REEP1: variants seen among roughly 807,000 people sequenced by gnomAD.
The protein encoded by REEP1 is receptor accessory protein 1.
In REEP1, 22 loss-of-function variants were observed where a neutral mutation model predicts 40.3. The ratio of observed to expected loss-of-function variants is 0.55; its 90% CI spans 0.39 to 0.78. REEP1 has a LOEUF of 0.78. REEP1 is among the 30% of genes least tolerant of loss of function. The pLI is 0.00. For synonymous variants in REEP1, 116 were observed against 139.2 expected (o/e 0.83, Z 1.17); for missense variants, 280 against 361.1 (o/e 0.78, Z 1.82).
At position 86,254,808 on chromosome 2, in the gene REEP1, T is replaced by C; in HGVS notation, c.189A>G (p.Pro63=). 6.2e-7 allele frequency: 1 copy of C among 1,614,072 alleles called. No homozygotes were observed. The highest frequency in any genetic ancestry group is 8.5e-7 in the Non-Finnish European group (1 of 1,179,998). Residue 63 remains proline (P), a synonymous_variant, in exon 4 of 9, where the codon CCA becomes CCG. Transcript: ENST00000538924. ...ATGCTATTTTTAGTTCATAATAGAATGGAAACCTGGAGAGAGAGATGAAAA... is the reference window on the plus strand; with the variant it reads ...ATGCTATTTTTAGTTCATAATAGAACGGAAACCTGGAGAGAGAGATGAAAA... ...TFTDIFLCWF[P]FYYELKIAFV... is the part of the protein sequence containing the mutation.
In REEP1 at chr2:86,247,431, G is replaced by C. The variant is rs141897727; in HGVS notation, c.417+4526C>G. 1.2e-3 allele frequency among the ~76,000 whole-genome samples: 185 copies of C among 152,178 alleles called. 2 individuals are homozygous for C. Among genetic ancestry groups the C allele is most frequent in the African/African-American group, 4.4e-3 (181 of 41,524 alleles). On this transcript the variant is annotated intron_variant, in intron 5 of 8. Coordinates refer to ENST00000538924, the MANE Select transcript of REEP1 (RefSeq NM_001371279.1). ...TAACATTAATAAGCTGGGCATGGTG[G>C]TGCACACCTATAATCCCAGCTACTT...
intron 5 of REEP1, among the ~76,000 whole-genome samples, chr2:86,241,161 A>G (rs1262998646): frequency 6.6e-6 from 1 of 152,194 alleles, no homozygotes; most frequent in African/African-American, 2.4e-5. Flanking sequence ...TTGCCTGTGG[A>G]AGTCTCAGCT....
chr2:86,312,865 AG>A (rs1267348721), intron 1 of REEP1, among the ~76,000 whole-genome samples: 1 of 152,202 alleles, frequency 6.6e-6, no homozygotes, highest in Non-Finnish European at 1.5e-5. Context: ...TTTTGCCTTT[AG>A]GTCTGGGAAT....
intron 1 of REEP1, among the ~76,000 whole-genome samples, chr2:86,330,333 T>C (rs1412134846): frequency 6.6e-6 from 1 of 152,070 alleles, no homozygotes; most frequent in Non-Finnish European, 1.5e-5. Flanking sequence ...CAATGACATG[T>C]GAGCAGAAAT....
rs751389881 is a variant in REEP1 at position 86,251,921 on chromosome 2, G to C, written c.417+36C>G. 6 of 1,416,302 alleles carry C rather than the reference G, an allele frequency of 4.2e-6. 1 individual carries two copies. The South Asian group carries it at 6.9e-5, about 16-fold the overall frequency. 87.7% of individuals were successfully genotyped at this position (1,416,302 alleles called of 1,614,324 possible). On this transcript the variant is annotated intron_variant, in intron 5 of 8. Coordinates refer to ENST00000538924, the MANE Select transcript of REEP1 (RefSeq NM_001371279.1). ...ATGAGCAGGGCACACTAGAGGGACT[G>C]AGACTCATGTAGTTGTGGTACTTCC...
intron 5 of REEP1, among the ~76,000 whole-genome samples, chr2:86,245,957 G>A (rs938557126): frequency 6.6e-6 from 1 of 151,962 alleles, no homozygotes; most frequent in Admixed American, 6.6e-5. Flanking sequence ...GTAGAGACGG[G>A]GTTTCACCAT....
intron 1 of REEP1, among the ~76,000 whole-genome samples, chr2:86,323,675 T>C (rs1444839592): frequency 6.6e-6 from 1 of 152,334 alleles, no homozygotes; most frequent in East Asian, 1.9e-4. Context: ...AAACTAGTCC[T>C]TGGTGCCAAA....
intron 1 of REEP1, among the ~76,000 whole-genome samples, chr2:86,307,131 G>A (rs2104473103): frequency 6.6e-6 from 1 of 151,854 alleles, no homozygotes; most frequent in East Asian, 1.9e-4. Context: ...TTGAACCTGG[G>A]AGGTGGAGGT....
chr2:86,308,502 C>A (rs1679609966), intron 1 of REEP1, among the ~76,000 whole-genome samples: 1 of 152,204 alleles, frequency 6.6e-6, no homozygotes, highest in South Asian at 2.1e-4. Context: ...TTGCAGTGAG[C>A]TGAGGTTGCA....
chr2:86,234,015 A>G (rs1675162755), intron 5 of REEP1, among the ~76,000 whole-genome samples: 1 of 152,166 alleles, frequency 6.6e-6, no homozygotes, highest in Non-Finnish European at 1.5e-5. Context: ...AGCAAGGGCC[A>G]AAACAGTTGA....
intron 2 of REEP1, among the ~76,000 whole-genome samples, chr2:86,280,313 C>G (rs140820157): frequency 6.6e-6 from 1 of 152,362 alleles, no homozygotes; most frequent in African/African-American, 2.4e-5. Flanking sequence ...CCAACACAAA[C>G]AGCTGCTCTG....
At chr2:86,337,706 G>T, upstream of REEP1, 1 of 967,640 alleles carries the variant, frequency 1.0e-6, no homozygotes, top group Non-Finnish European at 1.2e-6. This position sits in a 1 kb window ranked among gnomAD's most constrained non-coding sequence, Gnocchi z 5.8. Flanking sequence ...GGCGGCCCCA[G>T]CCCCCCGGGG....
At chr2:86,236,976 C>T (rs991011429) in intron 5 of REEP1, among the ~76,000 whole-genome samples, 5 of 152,178 alleles carry the variant, frequency 3.3e-5, no homozygotes, top group African/African-American at 7.2e-5. Flanking sequence ...CCTCGTAATC[C>T]GCCCGCCTTG....
rs149131805 is a variant in REEP1 at position 86,305,634 on chromosome 2, A to C, written c.33-23392T>G. Among the ~76,000 whole-genome samples the C allele has an allele frequency of 8.4e-3, 1,274 of 152,088 alleles. 22 individuals are homozygous for C. Among genetic ancestry groups the C allele is most frequent in the African/African-American group, 0.03 (1,228 of 41,478 alleles). The stretch of plus-strand genomic sequence containing the variant: ...GTGGGGCCTGAACATCTGCCCTTCT[A>C]CCAAGTGCCCCTGGTCCCCCACTGA... On this transcript the variant is annotated intron_variant, in intron 1 of 8. Coordinates refer to ENST00000538924, the MANE Select transcript of REEP1 (RefSeq NM_001371279.1).
At chr2:86,294,329 A>G (rs1254710638) in intron 1 of REEP1, among the ~76,000 whole-genome samples, 2 of 152,236 alleles carry the variant, frequency 1.3e-5, no homozygotes, top group Non-Finnish European at 2.9e-5. Flanking sequence ...AAATAAATTC[A>G]TGACATTTAG....
intron 1 of REEP1, among the ~76,000 whole-genome samples, chr2:86,330,765 C>T (rs956795979): frequency 7.9e-5 from 12 of 151,978 alleles, no homozygotes; most frequent in Admixed American, 3.3e-4. Context: ...TGTCTTATAA[C>T]GATAAGACAA....
At chr2:86,234,854 A>T (rs1017038109) in intron 5 of REEP1, among the ~76,000 whole-genome samples, 1 of 152,234 alleles carries the variant, frequency 6.6e-6, no homozygotes, top group African/African-American at 2.4e-5. Context: ...CACCCATTAT[A>T]TAACCCCTTC....
At chr2:86,284,678 T>C (rs1678294089) in intron 1 of REEP1, among the ~76,000 whole-genome samples, 1 of 152,090 alleles carries the variant, frequency 6.6e-6, no homozygotes, top group African/African-American at 2.4e-5. Context: ...TGGGACAGCA[T>C]GTGAGCAGCA....
At chr2:86,290,715 C>CT (rs1258451925) in intron 1 of REEP1, among the ~76,000 whole-genome samples, 1 of 152,234 alleles carries the variant, frequency 6.6e-6, no homozygotes, top group East Asian at 1.9e-4. Flanking sequence ...TTGAGAAACT[C>CT]TGACCTTTAC....
Sources: allele counts gnomAD v4.1 joint callset (sites outside exome capture counted in the v4.1 genomes callset), GRCh38; gene constraint gnomAD v4.1.1; non-coding constraint Gnocchi (gnomAD v3.1); transcripts MANE v1.5; gene names NCBI Gene and HGNC (gene_info 2026-07-23, HGNC 2026-07-21).